ZC3H7B: variants seen among roughly 807,000 people sequenced by gnomAD.
ZC3H7B encodes the protein zinc finger CCCH domain-containing protein 7B.
ZC3H7B carries 35 observed loss-of-function variants against 116.0 expected under a neutral mutation model. That is an observed-to-expected ratio of 0.30 (90% confidence interval 0.23 to 0.40). The LOEUF (loss-of-function observed/expected upper bound fraction) is 0.40. ZC3H7B is among the 10% of genes least tolerant of loss of function. ZC3H7B has a pLI of 1.00. For synonymous variants in ZC3H7B, 502 were observed against 545.6 expected (o/e 0.92, Z 1.11); for missense variants, 1,011 against 1,321.5 (o/e 0.77, Z 3.64).
At chr22:41,310,914 G>A (rs1007209614) in intron 1 of ZC3H7B, among the ~76,000 whole-genome samples, 1 of 151,766 alleles carries the variant, frequency 6.6e-6, no homozygotes, top group African/African-American at 2.4e-5. Flanking sequence ...ACAGGTGCCC[G>A]CCACCACCCC....
chr22:41,305,851 C>G (rs2145892804), intron 1 of ZC3H7B, among the ~76,000 whole-genome samples: 1 of 152,286 alleles, frequency 6.6e-6, no homozygotes, highest in African/African-American at 2.4e-5. Flanking sequence ...GGGTCTGATT[C>G]ACCCTCTGTG....
intron 13 of ZC3H7B, among the ~76,000 whole-genome samples, chr22:41,345,454 G>A (rs989102333): frequency 9.2e-5 from 14 of 152,074 alleles, no homozygotes; most frequent in Admixed American, 3.9e-4. Flanking sequence ...GCGTGGTGGC[G>A]GGTGCCTGTA....
rs2036610244 is a variant in ZC3H7B, at chr22:41,348,071, G to A, written c.1670G>A (p.Cys557Tyr). ...GCCCTTCCCCTCCCTGGGCAGATCTGCTTTGACAGTAAACCCCGGATCATC... is the reference window on the plus strand; with the variant it reads ...GCCCTTCCCCTCCCTGGGCAGATCTACTTTGACAGTAAACCCCGGATCATC... ...QGIFTFLCEI[C>Y]FDSKPRIISK... The change falls in exon 15 of 23, where the codon TGC becomes TAC. Residue 557 changes from cysteine (C) to tyrosine (Y), a missense_variant. Coordinates refer to ENST00000352645, the MANE Select transcript of ZC3H7B (RefSeq NM_017590.6). 1 of 1,613,688 alleles carries A rather than the reference G, an allele frequency of 6.2e-7. No homozygotes were observed. The highest frequency in any genetic ancestry group is 1.1e-5 in the South Asian group (1 of 91,084).
At chr22:41,321,716 G>C (rs866030272) in intron 2 of ZC3H7B, among the ~76,000 whole-genome samples, 3 of 151,564 alleles carry the variant, frequency 2.0e-5, no homozygotes, top group Non-Finnish European at 2.9e-5. Flanking sequence ...CCATTTTGCA[G>C]ATGAGAAAGT....
rs1318695687 is a variant in ZC3H7B at position 41,320,708 on chromosome 22, C to G, written c.48C>G (p.Phe16Leu). 1 of 1,557,752 alleles carries G rather than the reference C, an allele frequency of 6.4e-7. No homozygotes were observed. The highest frequency in any genetic ancestry group is 2.4e-5 in the East Asian group (1 of 41,120). Residue 16 changes from phenylalanine to leucine, a missense_variant, in exon 2 of 23, where the codon TTC (phenylalanine) becomes TTG (leucine). Physicochemically the swap from Phe to Leu is conservative, Grantham distance 22. Around this residue, in one of 5 missense-constraint regions of ZC3H7B, gnomAD observed 322 missense variants for 443.9 expected, o/e 0.73. Coordinates refer to ENST00000352645, the MANE Select transcript of ZC3H7B (RefSeq NM_017590.6). ...RKADIEKGLQ[F>L]IQSTLPLKQE... ...CGGACATCGAGAAAGGGCTGCAGTT[C>G]ATTCAGTAAGCCTGCATGCGGCAGG... is the stretch of plus-strand genomic sequence containing the variant.
Position 41,351,659 on chromosome 22 carries a change from G to A in ZC3H7B, c.2034+13G>A. 1 of 1,611,178 alleles carries A rather than the reference G, an allele frequency of 6.2e-7. No homozygotes were observed. Reference sequence around the variant, plus strand: ...CAGCAGCAGCATGGTAAGGCCTTCTGATACTATGCCATTATTCAGATTTTG... The same window carrying A: ...CAGCAGCAGCATGGTAAGGCCTTCTAATACTATGCCATTATTCAGATTTTG... On this transcript the variant is annotated intron_variant, in intron 17 of 22. Transcript: ENST00000352645. This position sits in a 1 kb window ranked among gnomAD's most constrained non-coding sequence, Gnocchi z 5.1.
At chr22:41,345,351 C>T (rs1284888755) in intron 13 of ZC3H7B, among the ~76,000 whole-genome samples, 2 of 151,952 alleles carry the variant, frequency 1.3e-5, no homozygotes, top group African/African-American at 2.4e-5. Context: ...TTTGGGAGGC[C>T]GAGGGGGGTG....
intron 10 of ZC3H7B, among the ~76,000 whole-genome samples, chr22:41,340,374 G>A (rs759469311): frequency 2.0e-5 from 3 of 152,026 alleles, no homozygotes; most frequent in Non-Finnish European, 4.4e-5. Context: ...GACAGTCCAG[G>A]CCTCTAGACT....
At chr22:41,310,636 A>C (rs1216600163) in intron 1 of ZC3H7B, among the ~76,000 whole-genome samples, 1 of 152,222 alleles carries the variant, frequency 6.6e-6, no homozygotes, top group Non-Finnish European at 1.5e-5. Context: ...AGTCACTCTA[A>C]GCTCTGGGTG....
intron 1 of ZC3H7B, among the ~76,000 whole-genome samples, chr22:41,307,059 T>G (rs925467835): frequency 1.1e-4 from 17 of 150,310 alleles, no homozygotes; most frequent in African/African-American, 3.2e-4. Context: ...CTGCAACCTC[T>G]GCCTCCCGGG....
At chr22:41,322,495 TTTTTG>T (rs1420667531) in intron 2 of ZC3H7B, among the ~76,000 whole-genome samples, 2 of 151,744 alleles carry the variant, frequency 1.3e-5, no homozygotes, top group East Asian at 1.9e-4. Flanking sequence ...CCGACATTTG[TTTTTG>T]TTTTATTTCT....
At position 41,349,007 on chromosome 22, in the gene ZC3H7B, T is replaced by C. The variant is rs925249891; in HGVS notation, c.1767-113T>C. 1.7e-6 allele frequency: 2 copies of C among 1,186,340 alleles called. No homozygotes were observed. The highest frequency in any genetic ancestry group is 3.0e-5 in the African/African-American group (2 of 65,902). 73.5% of individuals were successfully genotyped at this position (1,186,340 alleles called of 1,614,324 possible). On this transcript the variant is annotated intron_variant, in intron 15 of 22. Transcript: ENST00000352645. This position sits in a 1 kb window ranked among gnomAD's most constrained non-coding sequence, Gnocchi z 4.9. ...TCATCCATGGCCTGGATTTGGTACA[T>C]AGATCAGGGGGTGCCCAGGGAGAGC...
At position 41,349,436 on chromosome 22, in the gene ZC3H7B, C is replaced by T; in HGVS notation, c.1948+135C>T. On this transcript the variant is annotated intron_variant, in intron 16 of 22. Transcript: ENST00000352645. This position sits in a 1 kb window ranked among gnomAD's most constrained non-coding sequence, Gnocchi z 4.9. The stretch of plus-strand genomic sequence containing the variant: ...CGCTGGAGGGGGCTTCGGGAGAGTT[C>T]AGGAGAGGTGGCTGCGGGGTGGGCT... 1 of 1,186,078 alleles carries T rather than the reference C, an allele frequency of 8.4e-7. No individual in the cohort carries two copies. The highest frequency in any genetic ancestry group is 1.2e-6 in the Non-Finnish European group (1 of 855,772). 73.5% of individuals were successfully genotyped at this position (1,186,078 alleles called of 1,614,324 possible).
In ZC3H7B at chr22:41,356,456, A is replaced by G; in HGVS notation, c.2497A>G (p.Thr833Ala). 6.2e-7 allele frequency: 1 copy of G among 1,614,090 alleles called. No homozygotes were observed. Among genetic ancestry groups the G allele is most frequent in the Non-Finnish European group, 8.5e-7 (1 of 1,180,026 alleles). The change falls in exon 21 of 23, where the codon ACG becomes GCG. Residue 833 changes from threonine to alanine, a missense_variant. Thr to Ala is a moderately conservative substitution (Grantham distance 58, BLOSUM62 0). Transcript: ENST00000352645. ...REGEKQIQMP[T>A]DYADIMMGYH... ...AGGGGAGAAGCAGATCCAGATGCCCACGGACTACGCGGACATCATGGTAAC... is the reference window on the plus strand; with the variant it reads ...AGGGGAGAAGCAGATCCAGATGCCCGCGGACTACGCGGACATCATGGTAAC...
rs1264828404 is a variant in ZC3H7B, at chr22:41,358,441, T to C, written c.*1012T>C. On this transcript the variant is annotated 3_prime_UTR_variant, in exon 23 of 23. Transcript: ENST00000352645. ...GCAGAGGTCACCTCCTGACATGCGCTCTGGGAAAGGTGGCAGAGGGCAGGA... is the reference window on the plus strand; with the variant it reads ...GCAGAGGTCACCTCCTGACATGCGCCCTGGGAAAGGTGGCAGAGGGCAGGA... 6.6e-6 allele frequency: 1 copy of C among 152,266 alleles called. No homozygotes were observed. The highest frequency in any genetic ancestry group is 1.5e-5 in the Non-Finnish European group (1 of 68,194). The allele number at this position is 152,266 out of a possible 1,614,324, so 9.4% of individuals were successfully genotyped here.
At chr22:41,331,071 G>A (rs1444906520) in intron 6 of ZC3H7B, among the ~76,000 whole-genome samples, 2 of 143,616 alleles carry the variant, frequency 1.4e-5, no homozygotes, top group African/African-American at 2.5e-5. Context: ...GGGTTTCACC[G>A]TGGTCTCGAT....
chr22:41,357,075 G>A lies in ZC3H7B; in HGVS notation c.2682-102G>A. 6.5e-7 allele frequency: 1 copy of A among 1,532,322 alleles called. No individual in the cohort carries two copies. The highest frequency in any genetic ancestry group is 8.7e-7 in the Non-Finnish European group (1 of 1,143,768). The allele number at this position is 1,532,322 out of a possible 1,614,324, so 94.9% of individuals were successfully genotyped here. The stretch of plus-strand genomic sequence containing the variant: ...CCTGAGCTGGGACCCAGCTGCCCAG[G>A]GAGAGGCTTGTCTTCGGGGAGGTCA... On this transcript the variant is annotated intron_variant, in intron 22 of 22. Coordinates refer to ENST00000352645, the MANE Select transcript of ZC3H7B (RefSeq NM_017590.6). This position sits in a 1 kb window ranked among gnomAD's most constrained non-coding sequence, Gnocchi z 5.4.
rs1471996388 is a variant in ZC3H7B at position 41,357,529 on chromosome 22, C to T, written c.*100C>T. 8.3e-5 allele frequency: 74 copies of T among 886,764 alleles called. No individual in the cohort carries two copies. The Admixed American group carries it at 1.8e-3, about 22-fold the overall frequency. The allele number at this position is 886,764 out of a possible 1,614,324, so 54.9% of individuals were successfully genotyped here. A position where few individuals can be genotyped will look rare whatever the true frequency, so the allele number is the denominator to read the frequency against. On this transcript the variant is annotated 3_prime_UTR_variant, in exon 23 of 23. Transcript: ENST00000352645. The surrounding 1 kb of genome is among the most constrained non-coding windows in gnomAD (Gnocchi z 5.4). ...AGGGCAGGCCAGGGGGGTGGGGGGC[C>T]GCCCTCATCAGGCAGCCCCCAGCCC...
Position 41,342,570 on chromosome 22 carries a change from C to T in ZC3H7B, c.1239C>T (p.Asn413=). 1 of 1,613,482 alleles carries T rather than the reference C, an allele frequency of 6.2e-7. No individual in the cohort carries two copies. Among genetic ancestry groups the T allele is most frequent in the Non-Finnish European group, 8.5e-7 (1 of 1,179,918 alleles). The change falls in exon 12 of 23, where the codon AAC becomes AAT. Residue 413 remains asparagine, a synonymous_variant. Transcript: ENST00000352645. Reference sequence around the variant, plus strand: ...CCAACACTGCCTTGCTCATCAAGAACCCCTTGGCTGCCACCCACGAGTTCA... The same window carrying T: ...CCAACACTGCCTTGCTCATCAAGAATCCCTTGGCTGCCACCCACGAGTTCA... ...CMPNTALLIK[N]PLAATHEFKQ...
Sources: gnomAD v4.1 joint callset for allele counts (sites outside exome capture counted in the v4.1 genomes callset) on GRCh38, gnomAD v4.1.1 for gene constraint, gnomAD v4.1.1 regional missense constraint, Gnocchi (gnomAD v3.1) non-coding constraint, MANE v1.5 for transcripts, NCBI Gene and HGNC (gene_info 2026-07-23, HGNC 2026-07-21) for gene names.